Variants in PCDH11X observed in about 807,000 individuals in gnomAD.
PCDH11X encodes the protein protocadherin 11 X-linked.
A neutral mutation model predicts 53.3 loss-of-function variants in PCDH11X; 18 were observed. That is an observed-to-expected ratio of 0.34 (90% CI 0.23 to 0.50). PCDH11X has a LOEUF of 0.50. PCDH11X is among the 20% of genes least tolerant of loss of function. The pLI, the probability that PCDH11X is intolerant of heterozygous loss-of-function variation, is 0.98. For missense variants in PCDH11X, 570 were observed against 1,032.4 expected (o/e 0.55, Z 6.14); for synonymous variants, 279 against 393.3 (o/e 0.71, Z 3.44).
chrX:92,003,449 G>A (rs1185505316), intron 6 of PCDH11X, among the ~76,000 whole-genome samples: 3 of 109,605 alleles, frequency 2.7e-5, no homozygotes, highest in African/African-American at 1.0e-4. Context: ...GTTTGAATAG[G>A]ATTGGCATTA....
At chrX:91,863,690 T>A (rs1196205153) in intron 5 of PCDH11X, among the ~76,000 whole-genome samples, 1 of 111,736 alleles carries the variant, frequency 8.9e-6, no homozygotes, top group African/African-American at 3.2e-5. Flanking sequence ...CTGTCCTTCC[T>A]GTCTTCCTCT....
At chrX:91,932,524 A>G (rs1162491405) in intron 6 of PCDH11X, among the ~76,000 whole-genome samples, 1 of 100,175 alleles carries the variant, frequency 1.0e-5, no homozygotes, top group East Asian at 3.3e-4. Flanking sequence ...GAGAGAGAAA[A>G]TGTGTTAAAG....
At chrX:92,329,698 A>G (rs915310109) in intron 8 of PCDH11X, among the ~76,000 whole-genome samples, 14 of 111,435 alleles carry the variant, frequency 1.3e-4, no homozygotes, top group Admixed American at 2.9e-4. Flanking sequence ...CGTGGAGGTT[A>G]TTATGTTAAG....
At chrX:92,598,112 C>G (rs777384627) in intron 10 of PCDH11X, among the ~76,000 whole-genome samples, 1 of 111,331 alleles carries the variant, frequency 9.0e-6, no homozygotes, top group Non-Finnish European at 1.9e-5. Context: ...TTGAAAAATG[C>G]TCAACATCAA....
intron 7 of PCDH11X, among the ~76,000 whole-genome samples, chrX:92,232,833 A>G (rs756525647): frequency 3.6e-5 from 4 of 111,527 alleles, no homozygotes; most frequent in African/African-American, 1.3e-4. Flanking sequence ...CTCCCGCCTC[A>G]GCATCGCGAG....
intron 6 of PCDH11X, among the ~76,000 whole-genome samples, chrX:91,894,373 C>T (rs1940650278): frequency 9.0e-6 from 1 of 111,731 alleles, no homozygotes; most frequent in Admixed American, 9.5e-5. Context: ...GAAGACAAGA[C>T]TAAGGACTCA....
chrX:92,484,109 T>TGA (rs2073566171), intron 10 of PCDH11X, among the ~76,000 whole-genome samples: 1 of 98,690 alleles, frequency 1.0e-5, no homozygotes, highest in Non-Finnish European at 2.0e-5. Context: ...TGTGTGTGTG[T>TGA]ATATATATAG....
chrX:92,551,668 G>A (rs1199286303), intron 10 of PCDH11X, among the ~76,000 whole-genome samples: 1 of 110,003 alleles, frequency 9.1e-6, no homozygotes, highest in Non-Finnish European at 1.9e-5. Context: ...TTTTCTTGTT[G>A]TAGGTTCATA....
chrX:92,593,526 TTTG>T (rs1358726739), intron 10 of PCDH11X, among the ~76,000 whole-genome samples: 5 of 111,644 alleles, frequency 4.5e-5, no homozygotes, highest in Non-Finnish European at 9.4e-5. Context: ...CATGGGAATT[TTTG>T]TTGTTGTTGT....
chrX:91,973,737 C>T (rs1357710384), intron 6 of PCDH11X, among the ~76,000 whole-genome samples: 2 of 104,387 alleles, frequency 1.9e-5, no homozygotes, highest in African/African-American at 7.0e-5. Context: ...GCCTCAGACT[C>T]CCAAGTAGCT....
At chrX:92,413,772 A>G (rs2071743439) in intron 9 of PCDH11X, among the ~76,000 whole-genome samples, 1 of 108,785 alleles carries the variant, frequency 9.2e-6, no homozygotes, top group Admixed American at 9.9e-5. Context: ...TGAAGTGGCC[A>G]AATATACATA....
chrX:91,818,005 A>G (rs1311112184), intron 4 of PCDH11X, among the ~76,000 whole-genome samples: 1 of 111,811 alleles, frequency 8.9e-6, no homozygotes, highest in African/African-American at 3.2e-5. Context: ...TATGATATCT[A>G]TTAAGGAGTT....
At chrX:92,067,295 G>A (rs12009368) in intron 6 of PCDH11X, among the ~76,000 whole-genome samples, 1 of 109,473 alleles carries the variant, frequency 9.1e-6, no homozygotes, top group African/African-American at 3.3e-5. Context: ...ATTAGACTTA[G>A]GTCTGTCATT....
Position 91,913,874 on chromosome X carries a change from C to T in PCDH11X, c.3033+34601C>T, listed in dbSNP as rs373766995. On this transcript the variant is annotated intron_variant, in intron 6 of 10. Transcript: ENST00000682573. ...AGACAACACCTAATTTCACTGCCTG[C>T]AACATCCTGGCTAACCAGAGGTCCT... is the stretch of plus-strand genomic sequence containing the variant. 1.4e-3 allele frequency among the ~76,000 whole-genome samples: 153 copies of T among 109,873 alleles called. 1 individual carries two copies. In the East Asian group the frequency reaches 0.038, roughly 28 times the overall value.
intron 6 of PCDH11X, among the ~76,000 whole-genome samples, chrX:91,955,185 T>G (rs1370986176): frequency 2.7e-5 from 3 of 111,323 alleles, no homozygotes; most frequent in African/African-American, 9.8e-5. Flanking sequence ...TAGCCAGCAC[T>G]CCCAGCACCA....
chrX:92,473,400 C>G (rs1377378435), intron 10 of PCDH11X, among the ~76,000 whole-genome samples: 1 of 111,603 alleles, frequency 9.0e-6, no homozygotes, highest in Non-Finnish European at 1.9e-5. Flanking sequence ...ACAAAACAAC[C>G]TTTTTATTTC....
chrX:92,104,303 G>C (rs1412374952), intron 6 of PCDH11X, among the ~76,000 whole-genome samples: 1 of 109,945 alleles, frequency 9.1e-6, no homozygotes, highest in Non-Finnish European at 1.9e-5. Context: ...GAGGTCAGAT[G>C]GGTCTGTAGA....
intron 8 of PCDH11X, among the ~76,000 whole-genome samples, chrX:92,277,236 G>A (rs2068118519): frequency 9.1e-6 from 1 of 110,485 alleles, no homozygotes; most frequent in Admixed American, 9.7e-5. Flanking sequence ...ACTAGGAAGG[G>A]ACTGATGTGT....
chrX:91,910,107 G>A (rs1304156798), intron 6 of PCDH11X, among the ~76,000 whole-genome samples: 1 of 109,575 alleles, frequency 9.1e-6, no homozygotes, highest in African/African-American at 3.3e-5. Flanking sequence ...ATTAAGATAC[G>A]ATATTTATGA....
Sources: gnomAD v4.1 joint callset for allele counts (sites outside exome capture counted in the v4.1 genomes callset) on GRCh38, gnomAD v4.1.1 for gene constraint, MANE v1.5 for transcripts, NCBI Gene and HGNC (gene_info 2026-07-23, HGNC 2026-07-21) for gene names.